The following ZNF510 variants were observed in gnomAD, a reference collection of about 807,000 sequenced individuals.
ZNF510 encodes the protein zinc finger protein 510.
ZNF510 carries 15 observed loss-of-function variants against 18.1 expected under a neutral mutation model. The observed-to-expected ratio is 0.83, with a 90% confidence interval of 0.55 to 1.28. The LOEUF is 1.28. Ranked by LOEUF, ZNF510 falls within the 50% of genes most tolerant of loss-of-function variation. The pLI is 0.00. For synonymous variants in ZNF510, 261 were observed against 266.4 expected, an observed-to-expected ratio of 0.98 and a Z score of 0.20; for missense variants, 724 against 791.8, an observed-to-expected ratio of 0.91 and a Z score of 1.03.
At chr9:96,770,610 A>T (rs953986715) in intron 3 of ZNF510, among the ~76,000 whole-genome samples, 54 of 147,092 alleles carry the variant, frequency 3.7e-4, no homozygotes, top group South Asian at 1.3e-3. Flanking sequence ...TCTCAAAAAA[A>T]AAATATATAT....
chr9:96,767,044 G>A (rs1316815665), intron 3 of ZNF510, among the ~76,000 whole-genome samples: 1 of 152,218 alleles, frequency 6.6e-6, no homozygotes, highest in East Asian at 1.9e-4. Flanking sequence ...AAAGAGAAAT[G>A]AGGCTGGGCA....
chr9:96,771,726 C>CA (rs1554797121), intron 3 of ZNF510, among the ~76,000 whole-genome samples: 3 of 152,008 alleles, frequency 2.0e-5, no homozygotes, highest in African/African-American at 7.2e-5. Context: ...AAAGAATCCA[C>CA]AGATAAGCTA....
intron 3 of ZNF510, among the ~76,000 whole-genome samples, chr9:96,768,862 C>T (rs1056091516): frequency 2.6e-5 from 4 of 151,978 alleles, no homozygotes; most frequent in African/African-American, 7.2e-5. Context: ...TTGCAAGGGA[C>T]CCTGAATAGT....
At chr9:96,775,941 G>T in intron 2 of ZNF510, 59 bp downstream of exon 2, 2 of 1,561,362 alleles carry the variant, frequency 1.3e-6, no homozygotes, top group Non-Finnish European at 1.7e-6. Flanking sequence ...AAGCCCTCCA[G>T]TAATGTGGCT....
chr9:96,758,596 G>A lies in ZNF510; in HGVS notation c.*182C>T. On this transcript the variant is annotated 3_prime_UTR_variant, in exon 6 of 6. Transcript: ENST00000223428. ...TGATACACTCTGAAGGTTGCATTTT[G>A]GACACAATTCTTCCTGCATTCATCT... 2 of 627,174 alleles carry A rather than the reference G, an allele frequency of 3.2e-6. No individual in the cohort carries two copies. The highest frequency in any genetic ancestry group is 5.3e-6 in the Non-Finnish European group (2 of 380,166). The allele number at this position is 627,174 out of a possible 1,614,324, so 38.9% of individuals were successfully genotyped here.
intron 3 of ZNF510, among the ~76,000 whole-genome samples, chr9:96,772,080 A>C (rs1418262405): frequency 1.3e-5 from 2 of 152,214 alleles, no homozygotes; most frequent in Admixed American, 6.5e-5. Flanking sequence ...AGATAAACTA[A>C]TTGGACCAAA....
Position 96,763,493 on chromosome 9 carries a change from T to C in ZNF510, c.256+13A>G. 2 of 1,598,124 alleles carry C rather than the reference T, an allele frequency of 1.3e-6. No individual in the cohort carries two copies. Among genetic ancestry groups the C allele is most frequent in the Non-Finnish European group, 1.7e-6 (2 of 1,174,504 alleles). ...TATGGAGTTACAAGGGTAAGTTATG[T>C]TTACATGCTTACCCACTGAGACGAG... On this transcript the variant is annotated intron_variant, in intron 4 of 5. Coordinates refer to ENST00000223428, the MANE Select transcript of ZNF510 (RefSeq NM_014930.3).
intron 2 of ZNF510, among the ~76,000 whole-genome samples, chr9:96,775,381 G>A (rs569895715): frequency 2.6e-5 from 4 of 152,120 alleles, no homozygotes; most frequent in East Asian, 1.9e-4. Flanking sequence ...TTCATCAGGC[G>A]ATTGTAGACT....
In ZNF510 at chr9:96,760,106, G is replaced by T; in HGVS notation, c.724C>A (p.Pro242Thr). Reference sequence around the variant, plus strand: ...AAAGTTTGAAACTTTGGATGCTTGGGAAGATTTTCATTATAATTGAGAGCT... The same window carrying T: ...AAAGTTTGAAACTTTGGATGCTTGGTAAGATTTTCATTATAATTGAGAGCT... Reference protein sequence around the residue: ...MKALNYNENLPKHPKFQTLEQ... With the variant: ...MKALNYNENLTKHPKFQTLEQ... Residue 242 changes from proline to threonine, a missense_variant, in exon 6 of 6, where the codon CCC becomes ACC. By Grantham distance (38) the Pro-to-Thr change is conservative. Transcript: ENST00000223428. 6.2e-7 allele frequency: 1 copy of T among 1,608,680 alleles called. No individual in the cohort carries two copies. The highest frequency in any genetic ancestry group is 1.3e-5 in the African/African-American group (1 of 74,568).
rs1564432826 is a variant in ZNF510 at position 96,759,023 on chromosome 9, T to A, written c.1807A>T (p.Asn603Tyr). The A allele has an allele frequency of 3.1e-6, 5 of 1,613,982 alleles. No homozygotes were observed. The highest frequency in any genetic ancestry group is 4.2e-6 in the Non-Finnish European group (5 of 1,179,952). The part of the protein sequence containing the change: ...IHTGEKPFKC[N>Y]ECGKKFVRKA... ...CGGACAAATTTCTTCCCACATTCAT[T>A]ACATTTAAATGGTTTCTCCCCAGTG... Residue 603 changes from asparagine (N) to tyrosine (Y), a missense_variant, in exon 6 of 6, where the codon AAT becomes TAT. By Grantham distance (143) the Asn-to-Tyr change is moderately radical (BLOSUM62 -2). Coordinates refer to ENST00000223428, the MANE Select transcript of ZNF510 (RefSeq NM_014930.3).
At chr9:96,771,885 G>A (rs916995819) in intron 3 of ZNF510, among the ~76,000 whole-genome samples, 4 of 151,998 alleles carry the variant, frequency 2.6e-5, no homozygotes, top group Admixed American at 2.0e-4. Flanking sequence ...AAATACCTAG[G>A]AATAAATATA....
At chr9:96,762,888 A>G in intron 5 of ZNF510, 1 of 403,784 alleles carries the variant, frequency 2.5e-6, no homozygotes. Context: ...TTTGCACTAC[A>G]TACATATTAT....
rs770497871 is a variant in ZNF510, at chr9:96,759,740, A to G, written c.1090T>C (p.Leu364=). 8 of 1,613,978 alleles carry G rather than the reference A, an allele frequency of 5.0e-6. No homozygotes were observed. The highest frequency in any genetic ancestry group is 2.7e-5 in the African/African-American group (2 of 75,028). ...GTCTGTGTTCTGTCATTACTTACCA[A>G]TGGGTTCTCTTCTATGACAGCTGTT... ...PQTAVIEENP[L]VSNDRTQTWV... Residue 364 remains leucine, a synonymous_variant, in exon 6 of 6, where the codon TTG becomes CTG. Coordinates refer to ENST00000223428, the MANE Select transcript of ZNF510 (RefSeq NM_014930.3).
intron 2 of ZNF510, 53 bp downstream of exon 2, chr9:96,775,947 T>C (rs1390731844): frequency 6.4e-7 from 1 of 1,568,344 alleles, no homozygotes; most frequent in African/African-American, 1.4e-5. Context: ...TCCAGTAATG[T>C]GGCTTTTCCT....
rs61735521 is a variant in ZNF510, at chr9:96,758,868, T to C, written c.1962A>G (p.Lys654=). ...TCCCATATTCATTGCATTCATAAGA[T>C]TTCTCCCCACTGTGAGTCCTTTGAT... The part of the protein sequence containing the change: ...RIHQRTHSGE[K]SYECNEYGKL... Residue 654 remains lysine, a synonymous_variant, in exon 6 of 6, where the codon AAA becomes AAG. Coordinates refer to ENST00000223428, the MANE Select transcript of ZNF510 (RefSeq NM_014930.3). The C allele has an allele frequency of 5.5e-3, 8,934 of 1,614,044 alleles. 451 individuals are homozygous for C. The African/African-American group carries it at 0.11, about 19-fold the overall frequency.
chr9:96,775,327 TGG>T (rs1849672597), intron 2 of ZNF510, among the ~76,000 whole-genome samples: 1 of 152,162 alleles, frequency 6.6e-6, no homozygotes, highest in African/African-American at 2.4e-5. Context: ...CCCAAAATGC[TGG>T]GATTGCAGGG....
chr9:96,771,780 T>C (rs965472331), intron 3 of ZNF510, among the ~76,000 whole-genome samples: 5 of 152,002 alleles, frequency 3.3e-5, no homozygotes, highest in African/African-American at 1.2e-4. Context: ...ATAAGATCAA[T>C]ACTAAAAAAA....
intron 3 of ZNF510, among the ~76,000 whole-genome samples, chr9:96,763,850 C>CT (rs1286225673): frequency 6.6e-6 from 1 of 152,172 alleles, no homozygotes; most frequent in Non-Finnish European, 1.5e-5. Context: ...AATCCCAGCA[C>CT]TTTGGGAGGC....
At chr9:96,776,586 C>T (rs1849709186) in intron 1 of ZNF510, among the ~76,000 whole-genome samples, 1 of 152,146 alleles carries the variant, frequency 6.6e-6, no homozygotes, top group Non-Finnish European at 1.5e-5. Flanking sequence ...ATAAGCCTGG[C>T]CAATATGGTG....
Sources: allele counts gnomAD v4.1 joint callset (sites outside exome capture counted in the v4.1 genomes callset), GRCh38; gene constraint gnomAD v4.1.1; transcripts MANE v1.5; gene names NCBI Gene and HGNC (gene_info 2026-07-23, HGNC 2026-07-21).